Variants in LRMDA observed in about 807,000 individuals in gnomAD.
The protein encoded by LRMDA is leucine rich melanocyte differentiation associated, also known as leucine-rich melanocyte differentiation-associated protein.
LRMDA carries 18 observed loss-of-function variants against 29.8 expected under a neutral mutation model. The observed-to-expected ratio is 0.60, with a 90% CI of 0.42 to 0.90. LRMDA has a LOEUF of 0.90. Ranked by LOEUF, LRMDA falls within the 40% of genes least tolerant of loss-of-function variation. The pLI is 0.00. For synonymous variants in LRMDA, 125 were observed against 109.4 expected, an observed-to-expected ratio of 1.14 and a Z score of -0.89; for missense variants, 273 against 273.9, an observed-to-expected ratio of 1.00 and a Z score of 0.02.
rs117479845 is a variant in LRMDA at position 75,964,580 on chromosome 10, G to A, written c.132-71428G>A. On this transcript the variant is annotated intron_variant, in intron 2 of 6. Coordinates refer to ENST00000611255, the MANE Select transcript of LRMDA (RefSeq NM_001305581.2). ...TTATACATAAGATGATCAAACTGGT[G>A]GAATTAGGAGGACAGTTCTATGACC... Among the ~76,000 whole-genome samples the A allele has an allele frequency of 1.1e-3, 172 of 152,244 alleles. 1 individual carries two copies. The highest frequency in any genetic ancestry group is 1.9e-3 in the Non-Finnish European group (129 of 68,002).
intron 2 of LRMDA, among the ~76,000 whole-genome samples, chr10:75,636,309 TTTTC>T (rs1841389152): frequency 6.6e-6 from 1 of 152,186 alleles, no homozygotes; most frequent in African/African-American, 2.4e-5. Context: ...AGCCACTTTA[TTTTC>T]TTTATTAAAT....
intron 6 of LRMDA, among the ~76,000 whole-genome samples, chr10:76,409,052 G>T (rs1054455743): frequency 2.0e-5 from 3 of 152,154 alleles, no homozygotes; most frequent in African/African-American, 7.2e-5. Flanking sequence ...CTCCAAGGAG[G>T]CCCTATGGTT....
chr10:75,444,631 G>T (rs913976628), intron 2 of LRMDA, among the ~76,000 whole-genome samples: 13 of 152,266 alleles, frequency 8.5e-5, no homozygotes, highest in Admixed American at 2.6e-4. Context: ...GAAATTGAAT[G>T]CATTAGTGAA....
intron 2 of LRMDA, among the ~76,000 whole-genome samples, chr10:75,558,800 C>A (rs371999572): frequency 1.4e-5 from 2 of 145,366 alleles, no homozygotes; most frequent in Non-Finnish European, 3.0e-5. Context: ...TTTATCCTTG[C>A]GATAGTTTAC....
chr10:76,064,388 G>A (rs758473680), intron 5 of LRMDA, among the ~76,000 whole-genome samples: 2 of 152,148 alleles, frequency 1.3e-5, no homozygotes, highest in Non-Finnish European at 2.9e-5. Flanking sequence ...CAACCCACCT[G>A]CTCATATTAG....
chr10:75,926,919 T>A (rs1318371705), intron 2 of LRMDA, among the ~76,000 whole-genome samples: 1 of 152,202 alleles, frequency 6.6e-6, no homozygotes, highest in Admixed American at 6.5e-5. Context: ...AGGCGCACAC[T>A]TGTCACGGAT....
chr10:76,361,242 C>T (rs1457036113), intron 6 of LRMDA, among the ~76,000 whole-genome samples: 1 of 149,784 alleles, frequency 6.7e-6, no homozygotes, highest in African/African-American at 2.5e-5. Context: ...GCCTGGATGA[C>T]AGAGCGAGAC....
intron 2 of LRMDA, among the ~76,000 whole-genome samples, chr10:75,940,562 T>G (rs1443624817): frequency 6.6e-6 from 1 of 152,178 alleles, no homozygotes; most frequent in African/African-American, 2.4e-5. Flanking sequence ...TGTTCCACAT[T>G]GGCACTTGGC....
At chr10:75,679,028 T>A (rs2132150733) in intron 2 of LRMDA, among the ~76,000 whole-genome samples, 1 of 152,236 alleles carries the variant, frequency 6.6e-6, no homozygotes, top group South Asian at 2.1e-4. Flanking sequence ...TACCTCACCA[T>A]CATTAAACAC....
intron 4 of LRMDA, among the ~76,000 whole-genome samples, chr10:76,048,477 C>G (rs1048275423): frequency 6.6e-6 from 1 of 151,952 alleles, no homozygotes; most frequent in Non-Finnish European, 1.5e-5. Context: ...TTTGTTTTTT[C>G]TATTGTAACT....
At chr10:76,454,183 G>A (rs1309272893) in intron 6 of LRMDA, among the ~76,000 whole-genome samples, 1 of 152,148 alleles carries the variant, frequency 6.6e-6, no homozygotes, top group Non-Finnish European at 1.5e-5. Flanking sequence ...CTTTGGTCTG[G>A]TACACATAAA....
At chr10:76,161,116 C>G (rs1850639499) in intron 5 of LRMDA, among the ~76,000 whole-genome samples, 1 of 152,132 alleles carries the variant, frequency 6.6e-6, no homozygotes, top group African/African-American at 2.4e-5. Context: ...ACAACACTCT[C>G]CAGTCTTTGG....
chr10:75,782,946 T>A (rs1843410497), intron 2 of LRMDA: 1 of 1,613,642 alleles, frequency 6.2e-7, no homozygotes, highest in African/African-American at 1.3e-5. Context: ...CATCAAGAAT[T>A]TGAATGTCAA....
chr10:76,230,084 G>A (rs12161687), intron 5 of LRMDA, among the ~76,000 whole-genome samples: 27,350 of 151,854 alleles, frequency 0.18, 2,970 homozygotes, highest in East Asian at 0.51. Context: ...TGGGGTAGGG[G>A]TGGGTCTCTC....
intron 2 of LRMDA, among the ~76,000 whole-genome samples, chr10:75,784,942 G>T (rs567261428): frequency 4.6e-5 from 7 of 152,236 alleles, no homozygotes; most frequent in Middle Eastern, 3.4e-3. Flanking sequence ...GCCTTTACTT[G>T]CTGTGTTGAA....
intron 5 of LRMDA, among the ~76,000 whole-genome samples, chr10:76,158,892 A>G (rs185884663): frequency 3.3e-5 from 5 of 152,322 alleles, no homozygotes; most frequent in Admixed American, 3.3e-4. Context: ...TGTGATAATG[A>G]AAAATTTGAA....
chr10:75,467,965 C>CAT (rs1844676139), intron 2 of LRMDA, among the ~76,000 whole-genome samples: 1 of 149,552 alleles, frequency 6.7e-6, no homozygotes, highest in Non-Finnish European at 1.5e-5. Context: ...GTCACACACA[C>CAT]ACACACACAC....
At chr10:75,627,715 A>G (rs1841269086) in intron 2 of LRMDA, among the ~76,000 whole-genome samples, 1 of 152,222 alleles carries the variant, frequency 6.6e-6, no homozygotes, top group Admixed American at 6.5e-5. Flanking sequence ...CCACAGGAGA[A>G]GAAAATCGCC....
intron 2 of LRMDA, among the ~76,000 whole-genome samples, chr10:75,875,736 A>G (rs765045711): frequency 7.2e-5 from 11 of 152,310 alleles, no homozygotes; most frequent in African/African-American, 1.7e-4. Context: ...CCAGCCAGCC[A>G]TTTCTTTTTA....
Sources: gnomAD v4.1 joint callset for allele counts (sites outside exome capture counted in the v4.1 genomes callset) on GRCh38, gnomAD v4.1.1 for gene constraint, MANE v1.5 for transcripts, NCBI Gene and HGNC (gene_info 2026-07-23, HGNC 2026-07-21) for gene names.